AKAP12: variants seen among roughly 807,000 people sequenced by gnomAD.
AKAP12 encodes A-kinase anchoring protein 12.
In AKAP12, 32 loss-of-function variants were observed where a neutral mutation model predicts 79.9. That is an observed-to-expected ratio of 0.40 (90% CI 0.30 to 0.54). The LOEUF (loss-of-function observed/expected upper bound fraction) is 0.54, where lower values mean the gene tolerates loss of function less well. Among genes scored for constraint, AKAP12 ranks in the 20% least tolerant of loss-of-function variants. AKAP12 has a pLI of 0.48. For synonymous variants in AKAP12, 808 were observed against 857.0 expected (o/e 0.94, Z 1.00); for missense variants, 2,074 against 2,177.0 (o/e 0.95, Z 0.94).
Position 151,343,558 on chromosome 6 carries a change from C to T in AKAP12, c.320-5153C>T, listed in dbSNP as rs374007258. ...CAGCACTTTGGGAGGCTGAGGCAGGCGGATCACCTGAGGTCAGGAGTTTGA... is the reference window on the plus strand; with the variant it reads ...CAGCACTTTGGGAGGCTGAGGCAGGTGGATCACCTGAGGTCAGGAGTTTGA... On this transcript the variant is annotated intron_variant, in intron 3 of 4. Coordinates refer to ENST00000402676, the MANE Select transcript of AKAP12 (RefSeq NM_005100.4). Among the ~76,000 whole-genome samples the T allele has an allele frequency of 3.9e-5, 6 of 152,046 alleles. No homozygotes were observed. The South Asian group carries it at 6.2e-4, about 16-fold the overall frequency.
intron 3 of AKAP12, among the ~76,000 whole-genome samples, chr6:151,321,903 G>GTTGTTTTTTTTTTT (rs1554329714): frequency 3.0e-5 from 2 of 67,358 alleles, no homozygotes; most frequent in Admixed American, 1.7e-4. Context: ...TCAGCTTTAT[G>GTTGTTTTTTTTTTT]TTTTTTTTTT....
chr6:151,253,214 G>A (rs1797220431), intron 2 of AKAP12, among the ~76,000 whole-genome samples: 2 of 152,176 alleles, frequency 1.3e-5, no homozygotes, highest in East Asian at 1.9e-4. Flanking sequence ...GTTGTGATAC[G>A]TAAGACAAGA....
At chr6:151,334,101 A>G (rs1777749773) in intron 3 of AKAP12, among the ~76,000 whole-genome samples, 1 of 151,860 alleles carries the variant, frequency 6.6e-6, no homozygotes, top group Admixed American at 6.6e-5. Context: ...CAGTTCCTCC[A>G]TCTCTACAAA....
intron 2 of AKAP12, among the ~76,000 whole-genome samples, chr6:151,242,110 A>G (rs934940879): frequency 2.0e-5 from 3 of 152,176 alleles, no homozygotes; most frequent in Non-Finnish European, 4.4e-5. Context: ...TATGCACATA[A>G]TGTTTTGATG....
Position 151,297,120 on chromosome 6 carries a change from C to A in AKAP12, c.163-8627C>A, listed in dbSNP as rs1405639449. Among the ~76,000 whole-genome samples the A allele has an allele frequency of 3.5e-5, 5 of 143,992 alleles. No homozygotes were observed. The East Asian group carries it at 8.9e-4, about 26-fold the overall frequency. The allele number at this position is 143,992 out of a possible 152,430, so 94.5% of individuals were successfully genotyped here. On this transcript the variant is annotated intron_variant, in intron 2 of 4. Coordinates refer to ENST00000402676, the MANE Select transcript of AKAP12 (RefSeq NM_005100.4). ...AGCTATTGACTTGTATGAAATAAAT[C>A]ATCAGTCTTAATGATAGCTCTTTGA...
In AKAP12 at chr6:151,351,446, G is replaced by C; in HGVS notation, c.3055G>C (p.Ala1019Pro). ...CGACTCCCCAGACACCACAGAGGAGGCCACTCCGGTGCAGGAGGTGGAAGG... is the reference window on the plus strand; with the variant it reads ...CGACTCCCCAGACACCACAGAGGAGCCCACTCCGGTGCAGGAGGTGGAAGG... Reference protein sequence around the residue: ...LTDSPDTTEEATPVQEVEGGV... With the variant: ...LTDSPDTTEEPTPVQEVEGGV... The change falls in exon 4 of 5, where the codon GCC (alanine) becomes CCC (proline). Residue 1019 changes from alanine to proline, a missense_variant. Physicochemically the swap from Ala to Pro is conservative, Grantham distance 27. This residue lies in a region of AKAP12 where 1,428 missense variants were observed against 1,451.0 expected (regional missense o/e 0.98). Coordinates refer to ENST00000402676, the MANE Select transcript of AKAP12 (RefSeq NM_005100.4). The surrounding 1 kb of genome is among the most constrained non-coding windows in gnomAD (Gnocchi z 4.4). 2 of 1,614,226 alleles carry C rather than the reference G, an allele frequency of 1.2e-6. No individual in the cohort carries two copies. Among genetic ancestry groups the C allele is most frequent in the South Asian group, 1.1e-5 (1 of 91,082 alleles).
chr6:151,346,069 C>A (rs1266534222), intron 3 of AKAP12, among the ~76,000 whole-genome samples: 1 of 151,832 alleles, frequency 6.6e-6, no homozygotes, highest in Admixed American at 6.6e-5. Flanking sequence ...AATTAAAATT[C>A]ATCTCATCTA....
At chr6:151,262,620 C>A (rs1797460588) in intron 2 of AKAP12, among the ~76,000 whole-genome samples, 1 of 133,262 alleles carries the variant, frequency 7.5e-6, no homozygotes, top group African/African-American at 2.9e-5. Flanking sequence ...TCAAAAACTT[C>A]AAGTTCAAAC....
chr6:151,351,536 A>G lies in AKAP12; in HGVS notation c.3145A>G (p.Lys1049Glu), dbSNP rs1248353953. ...AGAGGTCCTCCAGGCAGTGGCAGAA[A>G]AAGTGAAAGAGGAATCCCAGCTGCC... ...TQEVLQAVAEKVKEESQLPGT... is the reference protein window; with the variant it reads ...TQEVLQAVAEEVKEESQLPGT... Residue 1049 changes from lysine (K) to glutamate (E), a missense_variant, in exon 4 of 5, where the codon AAA (lysine) becomes GAA (glutamate). By Grantham distance (56) the Lys-to-Glu change is moderately conservative. Around this residue, in one of 3 missense-constraint regions of AKAP12, gnomAD observed 1,428 missense variants for 1,451.0 expected, o/e 0.98. Coordinates refer to ENST00000402676, the MANE Select transcript of AKAP12 (RefSeq NM_005100.4). The surrounding 1 kb of genome is among the most constrained non-coding windows in gnomAD (Gnocchi z 4.4). The G allele has an allele frequency of 1.2e-6, 2 of 1,614,032 alleles. No homozygotes were observed. Among genetic ancestry groups the G allele is most frequent in the Non-Finnish European group, 1.7e-6 (2 of 1,180,044 alleles).
At chr6:151,344,869 A>C (rs1314470298) in intron 3 of AKAP12, among the ~76,000 whole-genome samples, 1 of 152,126 alleles carries the variant, frequency 6.6e-6, no homozygotes, top group Non-Finnish European at 1.5e-5. Flanking sequence ...TTCAGTTTCA[A>C]AATAAAACCA....
chr6:151,256,570 A>G (rs528067703), intron 2 of AKAP12, among the ~76,000 whole-genome samples: 8 of 151,992 alleles, frequency 5.3e-5, no homozygotes, highest in African/African-American at 1.9e-4. Flanking sequence ...GTGGAATTTC[A>G]TTTTCTTCCT....
chr6:151,351,475 C>A lies in AKAP12; in HGVS notation c.3084C>A (p.Gly1028=). 6.2e-7 allele frequency: 1 copy of A among 1,614,128 alleles called. No homozygotes were observed. The highest frequency in any genetic ancestry group is 8.5e-7 in the Non-Finnish European group (1 of 1,180,028). The change falls in exon 4 of 5, where the codon GGC becomes GGA. Residue 1028 remains glycine, a synonymous_variant. Coordinates refer to ENST00000402676, the MANE Select transcript of AKAP12 (RefSeq NM_005100.4). This position sits in a 1 kb window ranked among gnomAD's most constrained non-coding sequence, Gnocchi z 4.4. ...CTCCGGTGCAGGAGGTGGAAGGTGG[C>A]GTACCTGACATAGAAGAGCAAGAGA... ...EATPVQEVEG[G]VPDIEEQERR...
rs140093591 is a variant in AKAP12 at position 151,350,785 on chromosome 6, C to T, written c.2394C>T (p.Pro798=). Residue 798 remains proline, a synonymous_variant, in exon 4 of 5, where the codon CCC becomes CCT. Coordinates refer to ENST00000402676, the MANE Select transcript of AKAP12 (RefSeq NM_005100.4). This position sits in a 1 kb window ranked among gnomAD's most constrained non-coding sequence, Gnocchi z 4.8. ...GVEHSTPDTE[P]GKEESWVSIK... Reference sequence around the variant, plus strand: ...AACATTCCACTCCAGACACTGAACCCGGTAAAGAAGAATCCTGGGTCTCAA... The same window carrying T: ...AACATTCCACTCCAGACACTGAACCTGGTAAAGAAGAATCCTGGGTCTCAA... 4,063 of 1,613,912 alleles carry T rather than the reference C, an allele frequency of 2.5e-3. 7 individuals are homozygous for T. Among genetic ancestry groups the T allele is most frequent in the Non-Finnish European group, 2.7e-3 (3,235 of 1,179,924 alleles).
At chr6:151,342,921 CACGA>C (rs776522710) in intron 3 of AKAP12, among the ~76,000 whole-genome samples, 2 of 152,120 alleles carry the variant, frequency 1.3e-5, no homozygotes, top group Non-Finnish European at 2.9e-5. Flanking sequence ...CGCCACCATG[CACGA>C]CTGATTTTTG....
At chr6:151,293,301 T>C (rs1181525254) in intron 2 of AKAP12, among the ~76,000 whole-genome samples, 1 of 152,242 alleles carries the variant, frequency 6.6e-6, no homozygotes, top group Admixed American at 6.5e-5. Context: ...CTTGCACGTA[T>C]GCTGTAGATA....
At chr6:151,274,807 G>C (rs1168266769) in intron 2 of AKAP12, among the ~76,000 whole-genome samples, 2 of 152,106 alleles carry the variant, frequency 1.3e-5, no homozygotes, top group Non-Finnish European at 2.9e-5. Context: ...ATGGAGGTAA[G>C]AATTTCTAAT....
intron 2 of AKAP12, among the ~76,000 whole-genome samples, chr6:151,291,572 C>T (rs1047719267): frequency 2.6e-5 from 4 of 152,156 alleles, no homozygotes; most frequent in African/African-American, 4.8e-5. Flanking sequence ...GCTGGATTCG[C>T]GTCACTTACT....
chr6:151,243,945 G>T (rs1797022620), intron 2 of AKAP12, among the ~76,000 whole-genome samples: 1 of 152,086 alleles, frequency 6.6e-6, no homozygotes, highest in Admixed American at 6.6e-5. Flanking sequence ...CCATGTCTCT[G>T]GCTAATCTTG....
chr6:151,311,512 C>A lies in AKAP12; in HGVS notation c.319+5609C>A, dbSNP rs562620243. Among the ~76,000 whole-genome samples the A allele has an allele frequency of 2.6e-5, 4 of 152,214 alleles. No individual in the cohort carries two copies. The South Asian group carries it at 6.2e-4, about 24-fold the overall frequency. On this transcript the variant is annotated intron_variant, in intron 3 of 4. Coordinates refer to ENST00000402676, the MANE Select transcript of AKAP12 (RefSeq NM_005100.4). ...CACTGTGACACCAGCTGTGATCACA[C>A]CCCCCACCCCCGGGGAAAAATGAGA...
Sources: gnomAD v4.1 joint callset for allele counts (sites outside exome capture counted in the v4.1 genomes callset) on GRCh38, gnomAD v4.1.1 for gene constraint, gnomAD v4.1.1 regional missense constraint, Gnocchi (gnomAD v3.1) non-coding constraint, MANE v1.5 for transcripts, NCBI Gene and HGNC (gene_info 2026-07-23, HGNC 2026-07-21) for gene names.